FAM78B: variants seen among roughly 807,000 people sequenced by gnomAD.
The protein encoded by FAM78B is protein FAM78B.
Under a neutral mutation model 20.0 loss-of-function variants are expected in FAM78B, and 10 were observed. The observed-to-expected ratio is 0.50, with a 90% CI of 0.31 to 0.85. FAM78B has a LOEUF of 0.85. Ranked by LOEUF, FAM78B falls within the 40% of genes least tolerant of loss-of-function variation. FAM78B has a pLI of 0.05. For missense variants in FAM78B, 283 were observed against 345.0 expected (o/e 0.82, Z 1.42); for synonymous variants, 135 against 132.8 (o/e 1.02, Z -0.12).
chr1:166,069,938 A>C lies in FAM78B; in HGVS notation c.*303T>G. The C allele has an allele frequency of 2.8e-6, 3 of 1,066,438 alleles. No individual in the cohort carries two copies. The highest frequency in any genetic ancestry group is 1.6e-5 in the African/African-American group (1 of 60,716). 66.1% of individuals were successfully genotyped at this position (1,066,438 alleles called of 1,614,324 possible). On this transcript the variant is annotated 3_prime_UTR_variant, in exon 2 of 2. Coordinates refer to ENST00000354422, the MANE Select transcript of FAM78B (RefSeq NM_001017961.5). ...CATCCCCTGCATCTCACAGGAAAGA[A>C]ATGGTCAATAGTTCAGATAAAAGAA...
chr1:166,148,872 C>T (rs1344870330), intron 1 of FAM78B, among the ~76,000 whole-genome samples: 2 of 152,232 alleles, frequency 1.3e-5, no homozygotes, highest in African/African-American at 2.4e-5. Context: ...TCAATTCCCA[C>T]CTATGAGTGA....
At chr1:166,158,286 C>T (rs556967121) in intron 1 of FAM78B, among the ~76,000 whole-genome samples, 2 of 152,272 alleles carry the variant, frequency 1.3e-5, no homozygotes, top group Non-Finnish European at 2.9e-5. Context: ...GATTGTGCCA[C>T]TGCACTCCAG....
At chr1:166,108,632 T>C (rs1016221389) in intron 1 of FAM78B, among the ~76,000 whole-genome samples, 2 of 152,028 alleles carry the variant, frequency 1.3e-5, no homozygotes, top group African/African-American at 4.8e-5. Context: ...AATACCACTA[T>C]CATTCTTCAC....
downstream of FAM78B, among the ~76,000 whole-genome samples, chr1:166,056,511 C>T (rs576902426): frequency 6.6e-6 from 1 of 152,228 alleles, no homozygotes; most frequent in East Asian, 1.9e-4. Context: ...CTCTTCCAAC[C>T]CTGCAGTTCC....
chr1:166,095,336 A>G (rs1267086842), intron 1 of FAM78B, among the ~76,000 whole-genome samples: 1 of 151,744 alleles, frequency 6.6e-6, no homozygotes, highest in Non-Finnish European at 1.5e-5. Flanking sequence ...ATCATGGGTG[A>G]GAAGAGAGGT....
intron 1 of FAM78B, among the ~76,000 whole-genome samples, chr1:166,122,717 G>C (rs1308790042): frequency 6.6e-6 from 1 of 152,170 alleles, no homozygotes; most frequent in Non-Finnish European, 1.5e-5. Context: ...GCTGCCAAAT[G>C]GGGATGGAAA....
At chr1:166,067,875 ATTTCT>A (rs1160532232), downstream of FAM78B, among the ~76,000 whole-genome samples, 1 of 152,112 alleles carries the variant, frequency 6.6e-6, no homozygotes, top group Non-Finnish European at 1.5e-5. Flanking sequence ...TGTGGGGGTA[ATTTCT>A]TTTAAAACTC....
rs370880980 is a variant in FAM78B, at chr1:166,166,264, C to T, written c.-16G>A. On this transcript the variant is annotated 5_prime_UTR_variant, in exon 1 of 2. Transcript: ENST00000354422. ...TACAGCCCATCCTGCAGCCCGGTGCCGGCACGGCGCGGCGTGGGGCAGCGC... is the reference window on the plus strand; with the variant it reads ...TACAGCCCATCCTGCAGCCCGGTGCTGGCACGGCGCGGCGTGGGGCAGCGC... 2.2e-6 allele frequency: 3 copies of T among 1,363,378 alleles called. No homozygotes were observed. Among genetic ancestry groups the T allele is most frequent in the East Asian group, 3.0e-5 (1 of 32,830 alleles). The allele number at this position is 1,363,378 out of a possible 1,614,324, so 84.5% of individuals were successfully genotyped here.
intron 1 of FAM78B, among the ~76,000 whole-genome samples, chr1:166,084,205 C>CCACACACACACACACACACACACACA (rs374157991): frequency 2.5e-5 from 3 of 121,070 alleles, no homozygotes; most frequent in African/African-American, 9.6e-5. Context: ...GATGTAGAAA[C>CCACACACACACACACACACACACACA]CACACACACA....
chr1:166,119,239 C>A (rs943766102), intron 1 of FAM78B, among the ~76,000 whole-genome samples: 10 of 152,194 alleles, frequency 6.6e-5, no homozygotes, highest in African/African-American at 2.4e-4. Context: ...ACCCTTTTCA[C>A]AGGTTTCCAG....
At chr1:166,060,962 G>C (rs913093185) in intron 2 of FAM78B, among the ~76,000 whole-genome samples, 2 of 151,782 alleles carry the variant, frequency 1.3e-5, no homozygotes, top group African/African-American at 4.9e-5. Flanking sequence ...CCTCAGAAAT[G>C]GGGGGGAAGT....
At position 166,109,814 on chromosome 1, in the gene FAM78B, G is replaced by GTGTGTA. The variant is rs1553219345; in HGVS notation, c.264-39052_264-39051insTACACA. Among the ~76,000 whole-genome samples, 21 of 32,642 alleles carry GTGTGTA rather than the reference G, an allele frequency of 6.4e-4. 2 individuals are homozygous for GTGTGTA. Among genetic ancestry groups the GTGTGTA allele is most frequent in the African/African-American group, 2.0e-3 (20 of 10,202 alleles). The allele number at this position is 32,642 out of a possible 152,430, so 21.4% of individuals were successfully genotyped here. ...GAAACTGTGATATATATGTATATAT[G>GTGTGTA]TATATATATATATATATGTATATAT... On this transcript the variant is annotated intron_variant, in intron 1 of 1. Transcript: ENST00000354422.
In FAM78B at chr1:166,090,138, C is replaced by T. The variant is rs892115858; in HGVS notation, c.264-19375G>A. On this transcript the variant is annotated intron_variant, in intron 1 of 1. Coordinates refer to ENST00000354422, the MANE Select transcript of FAM78B (RefSeq NM_001017961.5). ...AGTTATACAATGCTGCTCCTGTCCT[C>T]CCAGAGCCCTGTAATCTTCTTCCCA... is the stretch of plus-strand genomic sequence containing the variant. 1.9e-4 allele frequency among the ~76,000 whole-genome samples: 29 copies of T among 152,300 alleles called. 1 individual carries two copies. Among genetic ancestry groups the T allele is most frequent in the African/African-American group, 6.7e-4 (28 of 41,572 alleles).
At chr1:166,065,884 GATTA>G (rs1651775122), downstream of FAM78B, among the ~76,000 whole-genome samples, 1 of 152,182 alleles carries the variant, frequency 6.6e-6, no homozygotes, top group South Asian at 2.1e-4. Flanking sequence ...TTGGGTTTTT[GATTA>G]ATTTTCTTTT....
chr1:166,133,357 G>A lies in FAM78B; in HGVS notation c.263+32629C>T, dbSNP rs535169986. Among the ~76,000 whole-genome samples, 15 of 152,232 alleles carry A rather than the reference G, an allele frequency of 9.9e-5. No individual in the cohort carries two copies. In the East Asian group the frequency reaches 2.9e-3, roughly 29 times the overall value. The stretch of plus-strand genomic sequence containing the variant: ...GGATACCTGTTATTGTGTAACTTTA[G>A]GTTTAGAGTTACATTTTCCTAAAGA... On this transcript the variant is annotated intron_variant, in intron 1 of 1. Transcript: ENST00000354422.
chr1:166,147,428 A>G (rs746678382), intron 1 of FAM78B, among the ~76,000 whole-genome samples: 5 of 152,222 alleles, frequency 3.3e-5, no homozygotes, highest in African/African-American at 1.2e-4. Flanking sequence ...CAAAGGATGA[A>G]TAAGTTAGAA....
At chr1:166,164,675 T>C (rs1196909696) in intron 1 of FAM78B, 1 of 152,206 alleles carries the variant, frequency 6.6e-6, no homozygotes, top group East Asian at 1.9e-4. Context: ...ATGACTAGTG[T>C]TAACTGACAT....
intron 1 of FAM78B, among the ~76,000 whole-genome samples, chr1:166,162,824 C>T (rs1484898965): frequency 6.6e-6 from 1 of 152,094 alleles, no homozygotes; most frequent in East Asian, 1.9e-4. Context: ...CCCACTTATG[C>T]CCCCTTAAAA....
intron 1 of FAM78B, among the ~76,000 whole-genome samples, chr1:166,083,169 G>C (rs2101725963): frequency 6.6e-6 from 1 of 152,210 alleles, no homozygotes; most frequent in East Asian, 1.9e-4. Context: ...GACATTATTG[G>C]GTGGATACAC....
Sources: allele counts gnomAD v4.1 joint callset (sites outside exome capture counted in the v4.1 genomes callset), GRCh38; gene constraint gnomAD v4.1.1; transcripts MANE v1.5; gene names NCBI Gene and HGNC (gene_info 2026-07-23, HGNC 2026-07-21).